KAZN: variants seen among roughly 807,000 people sequenced by gnomAD.
The protein encoded by KAZN is kazrin.
A neutral mutation model predicts 87.4 loss-of-function variants in KAZN; 40 were observed. The ratio of observed to expected loss-of-function variants is 0.46; its 90% CI spans 0.36 to 0.60. The LOEUF (loss-of-function observed/expected upper bound fraction) is 0.60, where lower values mean the gene tolerates loss of function less well. Among genes scored for constraint, KAZN ranks in the 20% least tolerant of loss-of-function variants. KAZN has a pLI of 0.00. For synonymous variants in KAZN, 466 were observed against 458.3 expected, an observed-to-expected ratio of 1.02 and a Z score of -0.22; for missense variants, 898 against 1,073.9, an observed-to-expected ratio of 0.84 and a Z score of 2.29.
At chr1:14,361,781 C>A (rs1659535983) in intron 2 of KAZN, among the ~76,000 whole-genome samples, 1 of 152,232 alleles carries the variant, frequency 6.6e-6, no homozygotes, top group Non-Finnish European at 1.5e-5. Flanking sequence ...AAATCACCCA[C>A]CTTCTGGATT....
intron 2 of KAZN, among the ~76,000 whole-genome samples, chr1:14,451,547 C>G (rs1415544132): frequency 6.6e-6 from 1 of 151,482 alleles, no homozygotes; most frequent in African/African-American, 2.4e-5. Context: ...CACCTATGTT[C>G]TCCAGAACAG....
intron 2 of KAZN, among the ~76,000 whole-genome samples, chr1:15,010,720 G>T (rs796883067): frequency 1.1e-4 from 17 of 152,188 alleles, no homozygotes; most frequent in African/African-American, 3.6e-4. Context: ...GGCAGCCCAG[G>T]ACCTGTGACA....
intron 2 of KAZN, among the ~76,000 whole-genome samples, chr1:14,519,329 C>G (rs2148461440): frequency 6.6e-6 from 1 of 152,180 alleles, no homozygotes; most frequent in Middle Eastern, 3.4e-3. Flanking sequence ...GCCTCCGAGG[C>G]CAGTTCTTTG....
At chr1:14,298,217 C>A (rs1397258595) in intron 2 of KAZN, among the ~76,000 whole-genome samples, 1 of 152,046 alleles carries the variant, frequency 6.6e-6, no homozygotes, top group Non-Finnish European at 1.5e-5. Flanking sequence ...AGATTCAGAC[C>A]CGGTGTCTTA....
At chr1:14,782,794 G>T (rs1029404053) in intron 1 of KAZN, among the ~76,000 whole-genome samples, 1 of 152,082 alleles carries the variant, frequency 6.6e-6, no homozygotes, top group Non-Finnish European at 1.5e-5. Context: ...TGGTTTTCCT[G>T]AGTCGCTGGA....
chr1:14,395,090 G>C (rs141903313), intron 2 of KAZN, among the ~76,000 whole-genome samples: 1 of 152,164 alleles, frequency 6.6e-6, no homozygotes, highest in Non-Finnish European at 1.5e-5. Context: ...AGGAGAGAGA[G>C]AGGGAGAGAA....
chr1:15,093,778 T>C (rs1640665782), intron 8 of KAZN, among the ~76,000 whole-genome samples: 1 of 152,174 alleles, frequency 6.6e-6, no homozygotes, highest in Non-Finnish European at 1.5e-5. Flanking sequence ...AGGAATTTCC[T>C]TGTGGGCAAA....
At chr1:14,658,493 A>G (rs1182139435) in intron 1 of KAZN, among the ~76,000 whole-genome samples, 2 of 152,222 alleles carry the variant, frequency 1.3e-5, no homozygotes, top group African/African-American at 2.4e-5. Flanking sequence ...TATTGTGCAC[A>G]GAGCCTGGGT....
chr1:14,058,199 C>A (rs572029856), intron 1 of KAZN, among the ~76,000 whole-genome samples: 13 of 152,242 alleles, frequency 8.5e-5, no homozygotes, highest in Admixed American at 2.0e-4. Context: ...AGCAAGGGAC[C>A]AATTCCCATG....
intron 2 of KAZN, among the ~76,000 whole-genome samples, chr1:14,964,800 C>T (rs55662005): frequency 0.084 from 12,810 of 152,128 alleles, 1,641 homozygotes; most frequent in African/African-American, 0.28. Context: ...GAATGAGACC[C>T]GAAATTTCTA....
chr1:14,889,158 A>G (rs1409399287), intron 1 of KAZN, among the ~76,000 whole-genome samples: 1 of 152,226 alleles, frequency 6.6e-6, no homozygotes, highest in Non-Finnish European at 1.5e-5. Context: ...AAGGTTACAC[A>G]CACCAATTCT....
At chr1:14,775,942 A>T (rs1645163737) in intron 1 of KAZN, among the ~76,000 whole-genome samples, 1 of 152,228 alleles carries the variant, frequency 6.6e-6, no homozygotes, top group Non-Finnish European at 1.5e-5. Context: ...TGGAACCACC[A>T]TAGTGAGTGT....
chr1:15,100,094 T>G (rs955631205), intron 10 of KAZN, among the ~76,000 whole-genome samples: 1 of 152,020 alleles, frequency 6.6e-6, no homozygotes, highest in African/African-American at 2.4e-5. Context: ...AGCTCAGAGC[T>G]TAGCTGCTCA....
intron 1 of KAZN, among the ~76,000 whole-genome samples, chr1:14,119,333 A>G (rs572980102): frequency 2.0e-5 from 3 of 152,272 alleles, no homozygotes; most frequent in South Asian, 2.1e-4. Context: ...CTCTGGGCAG[A>G]TAAGAGACTT....
chr1:14,044,599 T>A (rs1263246942), intron 1 of KAZN, among the ~76,000 whole-genome samples: 1 of 152,194 alleles, frequency 6.6e-6, no homozygotes, highest in Non-Finnish European at 1.5e-5. Context: ...ATTATTATTA[T>A]TATCATTAAG....
In KAZN at chr1:14,598,920, G is replaced by T. The variant is rs1157238732; in HGVS notation, c.-78G>T. On this transcript the variant is annotated 5_prime_UTR_variant, in exon 1 of 15. Transcript: ENST00000376030. The surrounding 1 kb of genome is among the most constrained non-coding windows in gnomAD (Gnocchi z 4.2). ...GCGGAGGACACAACAGGTAGAGCCG[G>T]GGGTGCCCGGCCGCGCGCCCCCCGC... 1 of 1,551,506 alleles carries T rather than the reference G, an allele frequency of 6.4e-7. No homozygotes were observed. Among genetic ancestry groups the T allele is most frequent in the African/African-American group, 1.4e-5 (1 of 70,266 alleles).
At chr1:14,402,506 T>C (rs991314802) in intron 2 of KAZN, among the ~76,000 whole-genome samples, 1 of 152,278 alleles carries the variant, frequency 6.6e-6, no homozygotes, top group Non-Finnish European at 1.5e-5. Flanking sequence ...ATATATATTA[T>C]ATTGTTTCAT....
intron 2 of KAZN, among the ~76,000 whole-genome samples, chr1:14,978,312 CT>C (rs1482372506): frequency 2.6e-5 from 4 of 152,176 alleles, no homozygotes; most frequent in African/African-American, 9.7e-5. Context: ...GAGCAACACT[CT>C]TAAGCCACTG....
At chr1:13,938,581 C>A (rs1171091945) in intron 1 of KAZN, among the ~76,000 whole-genome samples, 1 of 152,140 alleles carries the variant, frequency 6.6e-6, no homozygotes, top group African/African-American at 2.4e-5. Context: ...GGTGTCCAGG[C>A]AGAAGTCTGC....
Sources: gnomAD v4.1 joint callset for allele counts (sites outside exome capture counted in the v4.1 genomes callset) on GRCh38, gnomAD v4.1.1 for gene constraint, Gnocchi (gnomAD v3.1) non-coding constraint, MANE v1.5 for transcripts, NCBI Gene and HGNC (gene_info 2026-07-23, HGNC 2026-07-21) for gene names.